ARL15: variants seen among roughly 807,000 people sequenced by gnomAD.
The protein encoded by ARL15 is ARF like GTPase 15, also known as ADP-ribosylation factor-like protein 15.
In ARL15, 19 loss-of-function variants were observed where a neutral mutation model predicts 25.2. The observed-to-expected ratio is 0.75, with a 90% CI of 0.53 to 1.10. ARL15 has a LOEUF of 1.10. ARL15 is among the 50% of genes least tolerant of loss of function. ARL15 has a pLI of 0.00. For synonymous variants in ARL15, 94 were observed against 86.8 expected, an observed-to-expected ratio of 1.08 and a Z score of -0.46; for missense variants, 220 against 246.0, an observed-to-expected ratio of 0.89 and a Z score of 0.71.
chr5:54,151,286 C>T (rs985998700), intron 3 of ARL15, among the ~76,000 whole-genome samples: 1 of 152,168 alleles, frequency 6.6e-6, no homozygotes, highest in African/African-American at 2.4e-5. Context: ...AAATGGCCCA[C>T]CAAACCACTG....
intron 4 of ARL15, among the ~76,000 whole-genome samples, chr5:53,938,240 A>G (rs1404948253): frequency 1.0e-5 from 1 of 99,834 alleles, no homozygotes; most frequent in Non-Finnish European, 2.0e-5. Context: ...TCCTTGGTTA[A>G]CATTCTGCTA....
chr5:54,112,830 C>T (rs557756184), intron 4 of ARL15, among the ~76,000 whole-genome samples: 4 of 151,918 alleles, frequency 2.6e-5, no homozygotes, highest in South Asian at 4.2e-4. Flanking sequence ...CACCTGAAGG[C>T]GAGTAATGCA....
chr5:53,946,310 C>T (rs139024622), intron 4 of ARL15, among the ~76,000 whole-genome samples: 6 of 151,954 alleles, frequency 3.9e-5, no homozygotes, highest in Non-Finnish European at 7.4e-5. Flanking sequence ...AAAACCCAGG[C>T]GTAGTGGCAT....
intron 3 of ARL15, among the ~76,000 whole-genome samples, chr5:54,116,275 A>G (rs1226792554): frequency 6.6e-6 from 1 of 152,152 alleles, no homozygotes; most frequent in East Asian, 1.9e-4. Flanking sequence ...ATTAGCAGCC[A>G]ATACCCACAG....
intron 3 of ARL15, among the ~76,000 whole-genome samples, chr5:54,149,488 C>T (rs1043163726): frequency 6.6e-6 from 1 of 151,948 alleles, no homozygotes; most frequent in African/African-American, 2.4e-5. Context: ...AATTGAGAGG[C>T]GGCAAAGTGA....
intron 1 of ARL15, among the ~76,000 whole-genome samples, chr5:54,190,365 C>T (rs922609362): frequency 6.6e-6 from 1 of 151,168 alleles, no homozygotes; most frequent in African/African-American, 2.4e-5. Flanking sequence ...TGCACTCCAG[C>T]CTAGGTGATA....
At chr5:53,898,382 T>C (rs761820963) in intron 4 of ARL15, among the ~76,000 whole-genome samples, 16 of 152,184 alleles carry the variant, frequency 1.1e-4, no homozygotes, top group Non-Finnish European at 2.2e-4. Flanking sequence ...GGTTTGAGAA[T>C]TGGTGTAAAT....
intron 1 of ARL15, among the ~76,000 whole-genome samples, chr5:54,243,425 C>T (rs933735462): frequency 3.9e-5 from 6 of 152,326 alleles, no homozygotes; most frequent in African/African-American, 1.4e-4. Context: ...GTGTTATAAA[C>T]AAATCCTTGC....
intron 4 of ARL15, among the ~76,000 whole-genome samples, chr5:53,890,953 G>T (rs271243): frequency 0.89 from 135,853 of 152,154 alleles, 62,092 homozygotes; most frequent in Non-Finnish European, 1. Flanking sequence ...CCTTTCCTAG[G>T]TCCAGGATCT....
intron 4 of ARL15, among the ~76,000 whole-genome samples, chr5:54,080,671 A>G (rs973534895): frequency 5.3e-5 from 8 of 152,208 alleles, no homozygotes; most frequent in African/African-American, 1.9e-4. Context: ...TTCAAAATTC[A>G]TAAAATATAA....
chr5:53,988,460 C>T (rs955215471), intron 4 of ARL15, among the ~76,000 whole-genome samples: 7 of 151,908 alleles, frequency 4.6e-5, no homozygotes, highest in African/African-American at 1.5e-4. Context: ...TAGTTCTTGA[C>T]GCATAACAGC....
chr5:54,239,666 T>TA (rs916443654), intron 1 of ARL15, among the ~76,000 whole-genome samples: 4 of 152,212 alleles, frequency 2.6e-5, no homozygotes, highest in African/African-American at 9.6e-5. Context: ...AATGTTTCCT[T>TA]AAAAAATGGG....
intron 1 of ARL15, among the ~76,000 whole-genome samples, chr5:54,209,332 AAAG>A (rs1755967925): frequency 7.9e-6 from 1 of 126,580 alleles, no homozygotes; most frequent in Non-Finnish European, 1.7e-5. Context: ...ATAAAAAGAG[AAAG>A]AGAGAGAGAG....
intron 1 of ARL15, among the ~76,000 whole-genome samples, chr5:54,290,981 C>A (rs1758305922): frequency 6.6e-6 from 1 of 152,182 alleles, no homozygotes; most frequent in African/African-American, 2.4e-5. Context: ...TTTACTGAAT[C>A]AGTACTTCTA....
chr5:54,139,956 A>G (rs1030352143), intron 3 of ARL15, among the ~76,000 whole-genome samples: 3 of 152,236 alleles, frequency 2.0e-5, no homozygotes, highest in Non-Finnish European at 2.9e-5. Flanking sequence ...ATCTTAACCA[A>G]TCACCATTTA....
chr5:54,086,446 T>C (rs1266913504), intron 4 of ARL15, among the ~76,000 whole-genome samples: 1 of 151,886 alleles, frequency 6.6e-6, no homozygotes, highest in African/African-American at 2.4e-5. Context: ...AAAGGCCTTT[T>C]TTTTTTTTTA....
chr5:54,063,406 C>T (rs1160941890), intron 4 of ARL15, among the ~76,000 whole-genome samples: 1 of 152,236 alleles, frequency 6.6e-6, no homozygotes, highest in Non-Finnish European at 1.5e-5. Flanking sequence ...GAGCCACACT[C>T]ATTCTGTAAT....
intron 3 of ARL15, among the ~76,000 whole-genome samples, chr5:54,152,118 T>C (rs1364676729): frequency 6.6e-6 from 1 of 152,170 alleles, no homozygotes; most frequent in Admixed American, 6.5e-5. Flanking sequence ...CTGATTAACC[T>C]GTCTTCTGAG....
At chr5:54,258,168 CA>C (rs773543108) in intron 1 of ARL15, among the ~76,000 whole-genome samples, 375 of 121,544 alleles carry the variant, frequency 3.1e-3, no homozygotes, top group Non-Finnish European at 2.8e-3. Context: ...TTTGTTTCTA[CA>C]AAAAAAAAAA....
Sources: gnomAD v4.1 joint callset for allele counts (sites outside exome capture counted in the v4.1 genomes callset) on GRCh38, gnomAD v4.1.1 for gene constraint, MANE v1.5 for transcripts, NCBI Gene and HGNC (gene_info 2026-07-23, HGNC 2026-07-21) for gene names.